The following GSR variants were observed in gnomAD, a reference collection of about 807,000 sequenced individuals.
The protein encoded by GSR is glutathione-disulfide reductase.
A neutral mutation model predicts 56.5 loss-of-function variants in GSR; 48 were observed. The observed-to-expected ratio is 0.85, with a 90% CI of 0.67 to 1.08. The LOEUF (loss-of-function observed/expected upper bound fraction) is 1.08. Among genes scored for constraint, GSR ranks in the 50% least tolerant of loss-of-function variants. The pLI, the probability that GSR is intolerant of heterozygous loss-of-function variation, is 0.00. For synonymous variants in GSR, 264 were observed against 270.8 expected (o/e 0.97, Z 0.25); for missense variants, 694 against 703.3 (o/e 0.99, Z 0.15).
At chr8:30,712,197 C>A in intron 1 of GSR, 109 bp from the exon 2 acceptor site, 1 of 646,356 alleles carries the variant, frequency 1.5e-6, no homozygotes, top group South Asian at 1.9e-5. Context: ...TCCTTGGGTT[C>A]TAAGTCACAG....
chr8:30,698,907 G>A (rs1225497633), intron 6 of GSR, among the ~76,000 whole-genome samples: 1 of 152,164 alleles, frequency 6.6e-6, no homozygotes, highest in African/African-American at 2.4e-5. Flanking sequence ...AGTGACAGGA[G>A]CATCCCTCTA....
intron 1 of GSR, among the ~76,000 whole-genome samples, chr8:30,714,806 T>C (rs1804272485): frequency 6.6e-6 from 1 of 152,190 alleles, no homozygotes; most frequent in South Asian, 2.1e-4. Flanking sequence ...GTGCTGAGAT[T>C]ATAGGCATGA....
intron 1 of GSR, among the ~76,000 whole-genome samples, chr8:30,718,290 G>A (rs1275280693): frequency 6.6e-6 from 1 of 152,056 alleles, no homozygotes; most frequent in African/African-American, 2.4e-5. Flanking sequence ...GTTAGAGGGA[G>A]CACAGGCCTC....
chr8:30,679,487 G>T lies in GSR; in HGVS notation c.*33C>A. ...TTGTTTCATTTCAGAAGATCTATGGGTCCCACTGCCCGCCACACGTGTCTC... is the reference window on the plus strand; with the variant it reads ...TTGTTTCATTTCAGAAGATCTATGGTTCCCACTGCCCGCCACACGTGTCTC... On this transcript the variant is annotated 3_prime_UTR_variant, in exon 13 of 13. Transcript: ENST00000221130. 2 of 1,603,200 alleles carry T rather than the reference G, an allele frequency of 1.2e-6. No individual in the cohort carries two copies. Among genetic ancestry groups the T allele is most frequent in the Non-Finnish European group, 1.7e-6 (2 of 1,170,278 alleles).
At chr8:30,682,503 G>A (rs1237460409) in intron 10 of GSR, among the ~76,000 whole-genome samples, 3 of 152,148 alleles carry the variant, frequency 2.0e-5, no homozygotes, top group Admixed American at 6.5e-5. Context: ...TCCGTGTTTC[G>A]ACTTGGGTCG....
At chr8:30,721,595 G>A (rs1282535347) in intron 1 of GSR, among the ~76,000 whole-genome samples, 1 of 151,864 alleles carries the variant, frequency 6.6e-6, no homozygotes, top group East Asian at 1.9e-4. Context: ...GGAGGTTGCC[G>A]TGAGCCAAGA....
chr8:30,697,747 T>G (rs1304985831), intron 6 of GSR, among the ~76,000 whole-genome samples: 2 of 152,172 alleles, frequency 1.3e-5, no homozygotes, highest in Non-Finnish European at 2.9e-5. Flanking sequence ...AGAGACAATA[T>G]CTCCCTATGT....
intron 4 of GSR, among the ~76,000 whole-genome samples, 192 bp downstream of exon 4, chr8:30,707,880 T>A (rs1447006823): frequency 6.7e-6 from 1 of 150,132 alleles, no homozygotes; most frequent in African/African-American, 2.5e-5. Context: ...TTGCTTGAAC[T>A]CAGGAGGCGG....
chr8:30,702,383 A>G (rs1474162598), intron 5 of GSR, among the ~76,000 whole-genome samples: 1 of 152,168 alleles, frequency 6.6e-6, no homozygotes, highest in African/African-American at 2.4e-5. Flanking sequence ...ACCATCTCTG[A>G]GATTCCTTAC....
At chr8:30,698,415 C>T (rs1803620026) in intron 6 of GSR, among the ~76,000 whole-genome samples, 1 of 152,144 alleles carries the variant, frequency 6.6e-6, no homozygotes, top group African/African-American at 2.4e-5. Context: ...TCACATATGT[C>T]ATGTCACTCA....
chr8:30,703,342 T>G, intron 4 of GSR, 102 bp from the exon 5 acceptor site: 2 of 1,135,842 alleles, frequency 1.8e-6, no homozygotes, highest in Non-Finnish European at 2.7e-6. Flanking sequence ...ATTTTGATTC[T>G]TGGTTTGCTG....
At chr8:30,726,765 A>G (rs1804739072) in intron 1 of GSR, 1 of 152,160 alleles carries the variant, frequency 6.6e-6, no homozygotes, top group African/African-American at 2.4e-5. Flanking sequence ...GTCTCAAAAA[A>G]CAAACACAAA....
At chr8:30,711,919 T>C in intron 2 of GSR, 143 bp downstream of exon 2, 1 of 434,626 alleles carries the variant, frequency 2.3e-6, no homozygotes, top group African/African-American at 2.0e-5. Context: ...AACAATCCTA[T>C]TGCTTAAGCT....
chr8:30,702,428 G>T (rs1803776437), intron 5 of GSR, among the ~76,000 whole-genome samples: 1 of 152,116 alleles, frequency 6.6e-6, no homozygotes, highest in Non-Finnish European at 1.5e-5. Flanking sequence ...ACTTAAAAGA[G>T]AAAAATATGC....
At chr8:30,699,265 T>C (rs544293326) in intron 6 of GSR, among the ~76,000 whole-genome samples, 1 of 151,990 alleles carries the variant, frequency 6.6e-6, no homozygotes, top group Admixed American at 6.6e-5. Context: ...CACTCCTGCC[T>C]GGGCGATGGA....
chr8:30,689,088 G>T, intron 9 of GSR, 73 bp downstream of exon 9: 1 of 1,380,186 alleles, frequency 7.2e-7, no homozygotes, highest in African/African-American at 1.4e-5. Context: ...AGTTTTGGGT[G>T]TCTGGGGGGA....
At chr8:30,725,881 CAAAA>C (rs59192685) in intron 1 of GSR, among the ~76,000 whole-genome samples, 4 of 60,058 alleles carry the variant, frequency 6.7e-5, no homozygotes, top group African/African-American at 9.1e-5. Flanking sequence ...GACTCCCTCT[CAAAA>C]AAAAAAAAAA....
chr8:30,713,561 G>C (rs1804226888), intron 1 of GSR, among the ~76,000 whole-genome samples: 1 of 151,940 alleles, frequency 6.6e-6, no homozygotes, highest in Non-Finnish European at 1.5e-5. Flanking sequence ...GATTCGCCTT[G>C]TTGGCCAGGC....
chr8:30,703,325 AC>A, intron 4 of GSR, 85 bp from the exon 5 acceptor site: 1 of 1,234,738 alleles, frequency 8.1e-7, no homozygotes, highest in Non-Finnish European at 1.2e-6. Context: ...TCATTTCTCT[AC>A]TGAACATTTT....
Sources: gnomAD v4.1 joint callset for allele counts (sites outside exome capture counted in the v4.1 genomes callset) on GRCh38, gnomAD v4.1.1 for gene constraint, MANE v1.5 for transcripts, NCBI Gene and HGNC (gene_info 2026-07-23, HGNC 2026-07-21) for gene names.